Variants in CNGA1 observed in about 807,000 individuals in gnomAD.
CNGA1 encodes cyclic nucleotide-gated channel alpha-1.
In CNGA1, 53 loss-of-function variants were observed where a neutral mutation model predicts 69.7. That is an observed-to-expected ratio of 0.76 (90% CI 0.61 to 0.96). The LOEUF (loss-of-function observed/expected upper bound fraction) is 0.96, where lower values mean the gene tolerates loss of function less well. Ranked by LOEUF, CNGA1 falls within the 40% of genes least tolerant of loss-of-function variation. The probability of loss-of-function intolerance (pLI) is 0.00; values close to 1 mark genes in which losing one functional copy is unlikely to be tolerated. For missense variants in CNGA1, 739 were observed against 811.2 expected (o/e 0.91, Z 1.08); for synonymous variants, 249 against 283.5 (o/e 0.88, Z 1.22).
At chr4:47,940,264 A>G (rs566448707) in intron 10 of CNGA1, among the ~76,000 whole-genome samples, 3 of 152,364 alleles carry the variant, frequency 2.0e-5, no homozygotes. Context: ...GAGTGTAGAA[A>G]CAATTAGCTT....
intron 2 of CNGA1, among the ~76,000 whole-genome samples, chr4:47,991,177 ACTGGGATTG>A (rs1742248875): frequency 6.6e-6 from 1 of 152,190 alleles, no homozygotes; most frequent in Non-Finnish European, 1.5e-5. Context: ...GATACCGAGT[ACTGGGATTG>A]CTGGATCAAA....
intron 2 of CNGA1, among the ~76,000 whole-genome samples, chr4:48,004,202 C>A (rs891702328): frequency 6.6e-6 from 1 of 152,254 alleles, no homozygotes; most frequent in African/African-American, 2.4e-5. Flanking sequence ...GGCCCCCTGT[C>A]CAGTGGACAC....
chr4:48,015,375 T>C (rs1715336163), intron 1 of CNGA1, among the ~76,000 whole-genome samples: 1 of 152,222 alleles, frequency 6.6e-6, no homozygotes, highest in African/African-American at 2.4e-5. Context: ...TGTTGACTAA[T>C]TTGTTCTTAG....
Position 47,942,119 on chromosome 4 carries a change from G to T in CNGA1, c.467C>A (p.Pro156His). Residue 156 changes from proline (P) to histidine (H), a missense_variant, in exon 9 of 11, where the codon CCC becomes CAC. Physicochemically the swap from Pro to His is moderately conservative, Grantham distance 77. Transcript: ENST00000514170. Reference protein sequence around the residue: ...EEKKEVVVIDPSGNTYYNWLF... With the variant: ...EEKKEVVVIDHSGNTYYNWLF... ...CCAGTTGTAATATGTGTTTCCCGAGGGATCAATAACCACAACTTCTTTCTT... is the reference window on the plus strand; with the variant it reads ...CCAGTTGTAATATGTGTTTCCCGAGTGATCAATAACCACAACTTCTTTCTT... The T allele has an allele frequency of 6.2e-7, 1 of 1,613,594 alleles. No individual in the cohort carries two copies. The highest frequency in any genetic ancestry group is 8.5e-7 in the Non-Finnish European group (1 of 1,179,628).
At chr4:48,003,829 G>A (rs1037014333) in intron 2 of CNGA1, among the ~76,000 whole-genome samples, 10 of 152,114 alleles carry the variant, frequency 6.6e-5, no homozygotes, top group Admixed American at 3.3e-4. Context: ...CAAGTGGACC[G>A]TGGTCTAGTG....
At chr4:47,937,907 A>G in intron 10 of CNGA1, 78 bp from the exon 11 acceptor site, 1 of 1,125,964 alleles carries the variant, frequency 8.9e-7, no homozygotes, top group Non-Finnish European at 1.3e-6. Context: ...CTGTCAATTA[A>G]CTTTGTTGAG....
At chr4:47,950,536 A>G (rs1739677717) in intron 5 of CNGA1, among the ~76,000 whole-genome samples, 1 of 152,230 alleles carries the variant, frequency 6.6e-6, no homozygotes, top group Non-Finnish European at 1.5e-5. Context: ...GCTTAAGTGA[A>G]CCAACCTCAA....
chr4:47,937,245 T>A lies in CNGA1; in HGVS notation c.1237A>T (p.Ile413Phe). 1 of 1,614,138 alleles carries A rather than the reference T, an allele frequency of 6.2e-7. No individual in the cohort carries two copies. The highest frequency in any genetic ancestry group is 8.5e-7 in the Non-Finnish European group (1 of 1,180,032). ...RAEFQARIDAIKQYMHFRNVS... is the reference protein window; with the variant it reads ...RAEFQARIDAFKQYMHFRNVS... ...TTTCGAAAATGCATATATTGCTTGATAGCATCAATTCTTGCTTGAAATTCT... is the reference window on the plus strand; with the variant it reads ...TTTCGAAAATGCATATATTGCTTGAAAGCATCAATTCTTGCTTGAAATTCT... Residue 413 changes from isoleucine to phenylalanine, a missense_variant, in exon 11 of 11, where the codon ATC becomes TTC. Coordinates refer to ENST00000514170, the MANE Select transcript of CNGA1 (RefSeq NM_001379270.1).
At position 47,952,525 on chromosome 4, in the gene CNGA1, GTTAAA is replaced by G. The variant is rs535272249; in HGVS notation, c.107+53_107+57del. 220 of 1,570,678 alleles carry G rather than the reference GTTAAA, an allele frequency of 1.4e-4. 1 individual carries two copies. In the African/African-American group the frequency reaches 2.6e-3, roughly 19 times the overall value. On this transcript the variant is annotated intron_variant, in intron 4 of 10. Coordinates refer to ENST00000514170, the MANE Select transcript of CNGA1 (RefSeq NM_001379270.1). ...TAAAGCTAAATTGAAATTAAATCTA[GTTAAA>G]TTAAAGAACTGTAGCTAATAATAAA...
chr4:47,936,820 G>A lies in CNGA1; in HGVS notation c.1662C>T (p.Gly554=). The A allele has an allele frequency of 1.2e-6, 2 of 1,614,050 alleles. No individual in the cohort carries two copies. The highest frequency in any genetic ancestry group is 4.5e-5 in the East Asian group (2 of 44,874). Residue 554 remains glycine, a synonymous_variant, in exon 11 of 11, where the codon GGC becomes GGT. Transcript: ENST00000514170. ...TTTTAATATTGGCCGTTCTTCGATT[G>A]CCAGCTTTGCTCCCTTTAATGTTAA... The part of the protein sequence containing the change: ...SILNIKGSKA[G]NRRTANIKSI...
Position 47,951,439 on chromosome 4 carries a change from A to G in CNGA1, c.138T>C (p.Ser46=). 1 of 1,613,406 alleles carries G rather than the reference A, an allele frequency of 6.2e-7. No individual in the cohort carries two copies. The highest frequency in any genetic ancestry group is 1.1e-5 in the South Asian group (1 of 91,076). ...TTTCATTCTCTGATTCTTCAGATGT[A>G]GAGGCACTGTCATCATCCTCAGAAA... ...SSFSEDDDSA[S]TSEESENENP... The change falls in exon 5 of 11, where the codon TCT becomes TCC. Residue 46 remains serine (S), a synonymous_variant. Transcript: ENST00000514170.
chr4:47,957,076 G>A (rs2110170176), intron 3 of CNGA1, among the ~76,000 whole-genome samples: 1 of 152,214 alleles, frequency 6.6e-6, no homozygotes, highest in African/African-American at 2.4e-5. Context: ...TGGGATTACA[G>A]GTGCATGCCA....
At chr4:47,990,388 G>T (rs1004687199) in intron 2 of CNGA1, among the ~76,000 whole-genome samples, 1 of 152,046 alleles carries the variant, frequency 6.6e-6, no homozygotes, top group African/African-American at 2.4e-5. Context: ...GCTGAAATAC[G>T]CCCTGGTCTC....
At chr4:47,955,345 G>T in intron 3 of CNGA1, among the ~76,000 whole-genome samples, 1 of 151,718 alleles carries the variant, frequency 6.6e-6, no homozygotes, top group Admixed American at 6.6e-5. Flanking sequence ...ACCACGCCTG[G>T]CTAATTTTTG....
intron 2 of CNGA1, among the ~76,000 whole-genome samples, chr4:48,005,501 T>C (rs569846854): frequency 6.6e-6 from 1 of 152,384 alleles, no homozygotes; most frequent in East Asian, 1.9e-4. Flanking sequence ...AAATTGGCTT[T>C]GATGGTACTT....
At chr4:48,009,194 C>T (rs1019295000) in intron 2 of CNGA1, among the ~76,000 whole-genome samples, 3 of 152,100 alleles carry the variant, frequency 2.0e-5, no homozygotes, top group Non-Finnish European at 2.9e-5. Context: ...CAGCTGGGCA[C>T]AGTGGCTCAC....
At chr4:47,998,778 AAAAT>A (rs941239454) in intron 2 of CNGA1, among the ~76,000 whole-genome samples, 3 of 152,148 alleles carry the variant, frequency 2.0e-5, no homozygotes, top group Admixed American at 6.6e-5. Flanking sequence ...CTCCATCTCA[AAAAT>A]AAATAAATAA....
intron 3 of CNGA1, among the ~76,000 whole-genome samples, chr4:47,966,587 C>A (rs1740738531): frequency 6.6e-6 from 1 of 152,178 alleles, no homozygotes; most frequent in Admixed American, 6.5e-5. Flanking sequence ...TGAAACATTA[C>A]TCTGCATTAT....
chr4:47,980,466 TTC>T (rs1336296247), intron 3 of CNGA1, among the ~76,000 whole-genome samples: 1 of 83,030 alleles, frequency 1.2e-5, no homozygotes, highest in Non-Finnish European at 2.8e-5. Flanking sequence ...TTATTTTTCT[TTC>T]TTTCTTTTTT....
Sources: gnomAD v4.1 joint callset for allele counts (sites outside exome capture counted in the v4.1 genomes callset) on GRCh38, gnomAD v4.1.1 for gene constraint, MANE v1.5 for transcripts, NCBI Gene and HGNC (gene_info 2026-07-23, HGNC 2026-07-21) for gene names.